SRD5A2: variants seen among roughly 807,000 people sequenced by gnomAD.
SRD5A2 encodes 3-oxo-5-alpha-steroid 4-dehydrogenase 2.
Under a neutral mutation model 27.4 loss-of-function variants are expected in SRD5A2, and 30 were observed. The ratio of observed to expected loss-of-function variants is 1.10; its 90% CI spans 0.82 to 1.49. The LOEUF (loss-of-function observed/expected upper bound fraction) is 1.49, where lower values mean the gene tolerates loss of function less well. SRD5A2 is among the 40% of genes most tolerant of loss of function. The probability of loss-of-function intolerance (pLI) is 0.00; values close to 1 mark genes in which losing one functional copy is unlikely to be tolerated. For synonymous variants in SRD5A2, 141 were observed against 133.6 expected (o/e 1.06, Z -0.38); for missense variants, 348 against 323.4 (o/e 1.08, Z -0.58).
chr2:31,539,705 C>T (rs956159896), intron 1 of SRD5A2, among the ~76,000 whole-genome samples: 2 of 152,124 alleles, frequency 1.3e-5, no homozygotes, highest in African/African-American at 2.4e-5. Flanking sequence ...TTCACCGTTT[C>T]CCAGTGACAA....
chr2:31,662,512 GT>G, the SRD5A2 span, among the ~76,000 whole-genome samples: 1 of 152,006 alleles, frequency 6.6e-6, no homozygotes, highest in Admixed American at 6.6e-5. Flanking sequence ...AAGAAACAAG[GT>G]TTCATTATGT....
chr2:31,583,630 AAAAAAAAAGCAAAAAAAAAAC>A (rs1667123191), upstream of SRD5A2, among the ~76,000 whole-genome samples: 1 of 25,910 alleles, frequency 3.9e-5, no homozygotes, highest in African/African-American at 8.4e-5. Context: ...AAAAAAAAAC[AAAAAAAAAGCAAAAAAAAAAC>A]CAAAAAAAAA....
upstream of SRD5A2, among the ~76,000 whole-genome samples, chr2:31,584,207 A>T (rs1216811413): frequency 1.3e-5 from 2 of 152,264 alleles, no homozygotes; most frequent in South Asian, 2.1e-4. Flanking sequence ...TAGCTGGGAG[A>T]TCCCAGAAGG....
At chr2:31,622,105 G>T in the SRD5A2 span, among the ~76,000 whole-genome samples, 1 of 152,004 alleles carries the variant, frequency 6.6e-6, no homozygotes, top group Non-Finnish European at 1.5e-5. Flanking sequence ...TATTCTTCCT[G>T]ATGCTCTCCT....
the SRD5A2 span, among the ~76,000 whole-genome samples, chr2:31,631,367 T>C: frequency 6.6e-6 from 1 of 152,170 alleles, no homozygotes; most frequent in East Asian, 1.9e-4. Flanking sequence ...TCCATGGGTG[T>C]TTACGCACCC....
At chr2:31,581,823 C>A (rs1667089335), upstream of SRD5A2, among the ~76,000 whole-genome samples, 1 of 152,248 alleles carries the variant, frequency 6.6e-6, no homozygotes, top group African/African-American at 2.4e-5. Flanking sequence ...GGTGGCCTGG[C>A]GACCCCGCTG....
chr2:31,631,537 G>C, the SRD5A2 span, among the ~76,000 whole-genome samples: 1 of 152,178 alleles, frequency 6.6e-6, no homozygotes, highest in Admixed American at 6.5e-5. Flanking sequence ...ATTCGGCCCA[G>C]CCAGAGTGTA....
chr2:31,642,502 G>A, the SRD5A2 span, among the ~76,000 whole-genome samples: 1 of 151,888 alleles, frequency 6.6e-6, no homozygotes, highest in Non-Finnish European at 1.5e-5. Context: ...AATATCATTA[G>A]TCATCAGATA....
the SRD5A2 span, among the ~76,000 whole-genome samples, chr2:31,640,961 C>T: frequency 6.6e-6 from 1 of 151,930 alleles, no homozygotes; most frequent in Non-Finnish European, 1.5e-5. Context: ...AGTTAGGTGG[C>T]GATTTTCTGT....
At chr2:31,604,717 A>T in the SRD5A2 span, among the ~76,000 whole-genome samples, 1 of 152,026 alleles carries the variant, frequency 6.6e-6, no homozygotes, top group Admixed American at 6.6e-5. Flanking sequence ...TATTGTTAAA[A>T]TGCCCATACT....
chr2:31,596,306 T>G, the SRD5A2 span, among the ~76,000 whole-genome samples: 5 of 148,516 alleles, frequency 3.4e-5, no homozygotes, highest in Non-Finnish European at 3.0e-5. Flanking sequence ...GAGAATCACT[T>G]GAACCCTGGA....
the SRD5A2 span, among the ~76,000 whole-genome samples, chr2:31,613,758 G>C: frequency 6.6e-6 from 1 of 152,166 alleles, no homozygotes; most frequent in African/African-American, 2.4e-5. Flanking sequence ...TGGACTCACA[G>C]TTCCACATGG....
chr2:31,606,257 C>T, the SRD5A2 span, among the ~76,000 whole-genome samples: 1 of 151,944 alleles, frequency 6.6e-6, no homozygotes, highest in African/African-American at 2.4e-5. Context: ...TAGTCAATAA[C>T]AATTTAATTG....
chr2:31,614,950 C>T, the SRD5A2 span, among the ~76,000 whole-genome samples: 1 of 152,068 alleles, frequency 6.6e-6, no homozygotes, highest in Non-Finnish European at 1.5e-5. Context: ...GTGAATAAGT[C>T]TCATGAGGTC....
chr2:31,596,004 T>A, the SRD5A2 span, among the ~76,000 whole-genome samples: 1 of 152,050 alleles, frequency 6.6e-6, no homozygotes, highest in Non-Finnish European at 1.5e-5. Flanking sequence ...AAACCCAGCA[T>A]CCCTTTATCA....
chr2:31,633,032 C>G, the SRD5A2 span, among the ~76,000 whole-genome samples: 1 of 151,772 alleles, frequency 6.6e-6, no homozygotes. Flanking sequence ...CTGCCGGGGT[C>G]AGGAGAAAGG....
upstream of SRD5A2, among the ~76,000 whole-genome samples, chr2:31,583,358 T>C (rs761334768): frequency 4.6e-5 from 7 of 152,062 alleles, no homozygotes; most frequent in Non-Finnish European, 8.8e-5. Flanking sequence ...AGTCATATGG[T>C]GGATTCTAGA....
the SRD5A2 span, among the ~76,000 whole-genome samples, chr2:31,658,677 C>A: frequency 2.0e-5 from 3 of 151,802 alleles, no homozygotes; most frequent in East Asian, 5.8e-4. Flanking sequence ...CAGGAAGAAA[C>A]AAATCCTGAA....
intron 1 of SRD5A2, among the ~76,000 whole-genome samples, chr2:31,538,923 C>G (rs972741068): frequency 3.3e-5 from 5 of 152,218 alleles, no homozygotes; most frequent in African/African-American, 1.2e-4. Flanking sequence ...ATGCCTTGAA[C>G]AGTGCCTGGG....
Sources: allele counts gnomAD v4.1 joint callset (sites outside exome capture counted in the v4.1 genomes callset), GRCh38; gene constraint gnomAD v4.1.1; transcripts MANE v1.5; gene names NCBI Gene and HGNC (gene_info 2026-07-23, HGNC 2026-07-21).